The following COL6A6 variants were observed in gnomAD, a reference collection of about 807,000 sequenced individuals.
COL6A6 encodes collagen alpha-6(VI) chain.
COL6A6 carries 183 observed loss-of-function variants against 208.6 expected under a neutral mutation model. That is an observed-to-expected ratio of 0.88 (90% CI 0.78 to 0.99). COL6A6 has a LOEUF of 0.99. Ranked by LOEUF, COL6A6 falls within the 50% of genes least tolerant of loss-of-function variation. The probability of loss-of-function intolerance (pLI) is 0.00; values close to 1 mark genes in which losing one functional copy is unlikely to be tolerated. For synonymous variants in COL6A6, 973 were observed against 1,011.8 expected, an observed-to-expected ratio of 0.96 and a Z score of 0.73; for missense variants, 2,816 against 2,815.2, an observed-to-expected ratio of 1.00 and a Z score of -0.01.
At chr3:130,532,985 G>A (rs1381913223) in intron 1 of COL6A6, among the ~76,000 whole-genome samples, 1 of 152,070 alleles carries the variant, frequency 6.6e-6, no homozygotes, top group Non-Finnish European at 1.5e-5. Context: ...AGCTGACTTG[G>A]CCCGGAGCAA....
At chr3:130,665,482 TG>T (rs560647112) in intron 36 of COL6A6, among the ~76,000 whole-genome samples, 47 of 152,290 alleles carry the variant, frequency 3.1e-4, no homozygotes, top group Admixed American at 2.4e-3. Flanking sequence ...TGGAGAAACT[TG>T]TTATGCCAGA....
intron 17 of COL6A6, 132 bp from the exon 18 acceptor site, chr3:130,594,149 T>G: frequency 1.4e-6 from 1 of 734,420 alleles, no homozygotes; most frequent in Admixed American, 2.8e-5. Flanking sequence ...CGGTTGTTCA[T>G]CTTTCCAGCT....
intron 36 of COL6A6, 113 bp downstream of exon 36, chr3:130,665,209 T>C (rs1300380876): frequency 4.7e-6 from 3 of 633,876 alleles, no homozygotes; most frequent in Non-Finnish European, 2.7e-6. Flanking sequence ...TGGACAAAAA[T>C]CTATTGCTAC....
At chr3:130,605,899 G>T (rs1439120031) in intron 20 of COL6A6, among the ~76,000 whole-genome samples, 1 of 152,204 alleles carries the variant, frequency 6.6e-6, no homozygotes, top group African/African-American at 2.4e-5. Context: ...AAAATTATCA[G>T]ATCTCATGAG....
chr3:130,610,572 T>G (rs2064325158), intron 22 of COL6A6, 77 bp from the exon 23 acceptor site: 1 of 1,084,804 alleles, frequency 9.2e-7, no homozygotes, highest in East Asian at 2.6e-5. Context: ...GACTTAGTAT[T>G]TCTACTTGTA....
intron 20 of COL6A6, among the ~76,000 whole-genome samples, chr3:130,600,055 A>G (rs1253530736): frequency 1.3e-5 from 2 of 152,182 alleles, no homozygotes; most frequent in Non-Finnish European, 2.9e-5. Flanking sequence ...AAAGAAAACC[A>G]AAAAAACCTC....
chr3:130,547,656 A>G (rs1482001799), intron 1 of COL6A6, among the ~76,000 whole-genome samples: 2 of 152,230 alleles, frequency 1.3e-5, no homozygotes, highest in Non-Finnish European at 2.9e-5. Flanking sequence ...ACAGGCGTTC[A>G]TGATCTGTTA....
intron 1 of COL6A6, among the ~76,000 whole-genome samples, chr3:130,523,250 C>G (rs1711179788): frequency 1.3e-5 from 2 of 152,112 alleles, no homozygotes; most frequent in South Asian, 4.2e-4. Flanking sequence ...AACTTAGCTA[C>G]TATGTTCATT....
chr3:130,591,498 A>G (rs540954013), intron 13 of COL6A6, among the ~76,000 whole-genome samples: 1 of 152,300 alleles, frequency 6.6e-6, no homozygotes, highest in East Asian at 1.9e-4. Context: ...TTTACCAATT[A>G]TATATAAACA....
At chr3:130,669,844 G>A (rs2066168308) in intron 36 of COL6A6, among the ~76,000 whole-genome samples, 1 of 152,186 alleles carries the variant, frequency 6.6e-6, no homozygotes, top group South Asian at 2.1e-4. Flanking sequence ...TCAAATGGGA[G>A]TGTCTCTATT....
In COL6A6 at chr3:130,623,600, A is replaced by AG. The variant is rs548515396; in HGVS notation, c.4878+1717_4878+1718insG. ...TGTGATGATTCCATAGAACTCTTCC[A>AG]ATAGGGGACTGATGCAGAGAGGAGT... On this transcript the variant is annotated intron_variant, in intron 24 of 36. Coordinates refer to ENST00000358511, the MANE Select transcript of COL6A6 (RefSeq NM_001102608.3). Among the ~76,000 whole-genome samples, 523 of 152,330 alleles carry AG rather than the reference A, an allele frequency of 3.4e-3. 5 individuals are homozygous for AG. The highest frequency in any genetic ancestry group is 0.012 in the African/African-American group (498 of 41,568).
intron 23 of COL6A6, 22 bp from the exon 24 acceptor site, chr3:130,621,799 C>G: frequency 6.2e-7 from 1 of 1,609,840 alleles, no homozygotes; most frequent in South Asian, 1.1e-5. Context: ...GCTATATTTG[C>G]AAACCCCTTG....
intron 1 of COL6A6, among the ~76,000 whole-genome samples, chr3:130,537,313 T>TG (rs1263465883): frequency 6.6e-6 from 1 of 152,182 alleles, no homozygotes; most frequent in African/African-American, 2.4e-5. Flanking sequence ...CTGGTACTCA[T>TG]CGGGTTGTTG....
intron 24 of COL6A6, among the ~76,000 whole-genome samples, chr3:130,622,204 C>CA (rs1298066473): frequency 8.3e-5 from 9 of 107,982 alleles, no homozygotes; most frequent in Non-Finnish European, 1.4e-4. Flanking sequence ...CCCCCGCCTA[C>CA]CCCCCCCTTT....
chr3:130,565,073 T>C lies in COL6A6; in HGVS notation c.741T>C (p.Tyr247=). Residue 247 remains tyrosine (Y), a synonymous_variant, in exon 4 of 37, where the codon TAT becomes TAC. Coordinates refer to ENST00000358511, the MANE Select transcript of COL6A6 (RefSeq NM_001102608.3). ...SINGSEENFD[Y]LKGFLEESVS... is the part of the protein sequence containing the mutation. ...ATGGAAGTGAGGAGAACTTTGACTATCTTAAAGGATTCTTGGAAGAAAGTG... is the reference window on the plus strand; with the variant it reads ...ATGGAAGTGAGGAGAACTTTGACTACCTTAAAGGATTCTTGGAAGAAAGTG... 1 of 1,614,004 alleles carries C rather than the reference T, an allele frequency of 6.2e-7. No individual in the cohort carries two copies. Among genetic ancestry groups the C allele is most frequent in the African/African-American group, 1.3e-5 (1 of 75,048 alleles).
At chr3:130,517,158 G>A (rs1261936753), upstream of COL6A6, among the ~76,000 whole-genome samples, 2 of 152,148 alleles carry the variant, frequency 1.3e-5, no homozygotes, top group Non-Finnish European at 2.9e-5. Flanking sequence ...TTTATATGTC[G>A]GCGAGGGGCG....
chr3:130,529,287 T>TAAA (rs563804664), intron 1 of COL6A6, among the ~76,000 whole-genome samples: 1 of 98,560 alleles, frequency 1.0e-5, no homozygotes. Flanking sequence ...GCAGGAAATG[T>TAAA]AAAAAAAAAA....
At chr3:130,639,670 T>C (rs1019053252) in intron 28 of COL6A6, among the ~76,000 whole-genome samples, 1 of 136,218 alleles carries the variant, frequency 7.3e-6, no homozygotes, top group Non-Finnish European at 1.5e-5. Context: ...CGAGCCTGGG[T>C]GAGACTGAGA....
chr3:130,652,155 G>C (rs143448475), intron 33 of COL6A6, among the ~76,000 whole-genome samples: 2 of 152,160 alleles, frequency 1.3e-5, no homozygotes, highest in East Asian at 1.9e-4. Context: ...TAGTTTATTG[G>C]TCCCTGCCAT....
Sources: allele counts gnomAD v4.1 joint callset (sites outside exome capture counted in the v4.1 genomes callset), GRCh38; gene constraint gnomAD v4.1.1; transcripts MANE v1.5; gene names NCBI Gene and HGNC (gene_info 2026-07-23, HGNC 2026-07-21).